Variants in WSCD1 observed in about 807,000 individuals in gnomAD.
The protein encoded by WSCD1 is sialate:O-sulfotransferase 1.
In WSCD1, 41 loss-of-function variants were observed where a neutral mutation model predicts 60.4. The observed-to-expected ratio is 0.68, with a 90% CI of 0.53 to 0.88. The LOEUF is 0.88. WSCD1 is among the 40% of genes least tolerant of loss of function. The pLI, the probability that WSCD1 is intolerant of heterozygous loss-of-function variation, is 0.00. For missense variants in WSCD1, 784 were observed against 796.2 expected, an observed-to-expected ratio of 0.98 and a Z score of 0.18; for synonymous variants, 361 against 332.5, an observed-to-expected ratio of 1.09 and a Z score of -0.93.
chr17:6,080,957 G>A lies in WSCD1; in HGVS notation c.299G>A (p.Arg100His), dbSNP rs1168918761. ...SPLTRPRPGP[R>H]WLRSRNSELR... ...CTGACCCGGCCCCGGCCCGGCCCCC[G>A]CTGGCTCCGGAGCCGCAACTCGGAG... The change falls in exon 2 of 9, where the codon CGC becomes CAC. Residue 100 changes from arginine to histidine, a missense_variant. Physicochemically the swap from Arg to His is conservative, Grantham distance 29. Transcript: ENST00000317744. This position sits in a 1 kb window ranked among gnomAD's most constrained non-coding sequence, Gnocchi z 6.6. 9.0e-6 allele frequency: 14 copies of A among 1,557,592 alleles called. No individual in the cohort carries two copies. The highest frequency in any genetic ancestry group is 1.7e-4 in the Middle Eastern group (1 of 5,970).
intron 1 of WSCD1, among the ~76,000 whole-genome samples, chr17:6,072,506 C>T (rs1456990485): frequency 1.3e-5 from 2 of 152,218 alleles, no homozygotes; most frequent in African/African-American, 2.4e-5. Flanking sequence ...CCAGCTCAGA[C>T]CCCCATCAGC....
chr17:6,092,895 A>G (rs1910150909), intron 4 of WSCD1, among the ~76,000 whole-genome samples: 2 of 152,118 alleles, frequency 1.3e-5, no homozygotes, highest in African/African-American at 4.8e-5. Flanking sequence ...CTCTTTGGGC[A>G]GGCTGTGGAG....
At chr17:6,095,020 C>A in intron 4 of WSCD1, 82 bp from the exon 5 acceptor site, 4 of 1,545,164 alleles carry the variant, frequency 2.6e-6, no homozygotes, top group Non-Finnish European at 3.5e-6. Flanking sequence ...TGTCTCAGGA[C>A]CTAAAGCCAG....
At chr17:6,108,948 C>A (rs1459728993) in intron 5 of WSCD1, among the ~76,000 whole-genome samples, 2 of 152,206 alleles carry the variant, frequency 1.3e-5, no homozygotes, top group Admixed American at 6.5e-5. Flanking sequence ...AAAGTCTGTT[C>A]TTCTCCACCC....
At chr17:6,112,711 G>GA (rs1009176120) in intron 7 of WSCD1, among the ~76,000 whole-genome samples, 1 of 151,850 alleles carries the variant, frequency 6.6e-6, no homozygotes, top group Non-Finnish European at 1.5e-5. Context: ...AAATAGCTAT[G>GA]AAAAAATACC....
chr17:6,103,750 G>A (rs1177865780), intron 5 of WSCD1, among the ~76,000 whole-genome samples: 1 of 152,154 alleles, frequency 6.6e-6, no homozygotes, highest in Non-Finnish European at 1.5e-5. Flanking sequence ...ATGCTGTGGG[G>A]GTGGGAGGAA....
chr17:6,118,337 C>G lies in WSCD1; in HGVS notation c.1375+149C>G. On this transcript the variant is annotated intron_variant, in intron 8 of 8. Coordinates refer to ENST00000317744, the MANE Select transcript of WSCD1 (RefSeq NM_015253.2). This position sits in a 1 kb window ranked among gnomAD's most constrained non-coding sequence, Gnocchi z 5.8. ...CACTCAAACCCCATCCTGCTAGGGA[C>G]TTAGTGCTGCTGTGCCTGGGCTTGA... is the stretch of plus-strand genomic sequence containing the variant. The G allele has an allele frequency of 1.2e-6, 1 of 851,062 alleles. No homozygotes were observed. The highest frequency in any genetic ancestry group is 1.8e-6 in the Non-Finnish European group (1 of 551,420). The allele number at this position is 851,062 out of a possible 1,614,324, so 52.7% of individuals were successfully genotyped here. A position where few individuals can be genotyped will look rare whatever the true frequency, so the allele number is the denominator to read the frequency against.
rs1047954081 is a variant in WSCD1 at position 6,101,997 on chromosome 17, C to T, written c.849+6774C>T. Reference sequence around the variant, plus strand: ...TATACCTTGTGATGTGAGGTTTGTTCTCCCAGCTGCTGTTAGTGATTCTAC... The same window carrying T: ...TATACCTTGTGATGTGAGGTTTGTTTTCCCAGCTGCTGTTAGTGATTCTAC... On this transcript the variant is annotated intron_variant, in intron 5 of 8. Transcript: ENST00000317744. This position sits in a 1 kb window ranked among gnomAD's most constrained non-coding sequence, Gnocchi z 4.1. 6.6e-6 allele frequency among the ~76,000 whole-genome samples: 1 copy of T among 152,212 alleles called. No individual in the cohort carries two copies. The highest frequency in any genetic ancestry group is 2.4e-5 in the African/African-American group (1 of 41,456).
intron 2 of WSCD1, among the ~76,000 whole-genome samples, chr17:6,086,651 GC>G (rs1597355093): frequency 1.3e-5 from 2 of 152,030 alleles, no homozygotes; most frequent in African/African-American, 2.4e-5. Flanking sequence ...ACAGCACCTG[GC>G]CCCCTTCTTT....
chr17:6,094,319 T>C (rs1300199202), intron 4 of WSCD1, among the ~76,000 whole-genome samples: 2 of 151,940 alleles, frequency 1.3e-5, no homozygotes, highest in Non-Finnish European at 2.9e-5. Context: ...GAGTGGGAGT[T>C]CAAGATCAGA....
upstream of WSCD1, chr17:6,070,306 G>A (rs1908444891): frequency 6.7e-6 from 1 of 148,910 alleles, no homozygotes; most frequent in African/African-American, 2.4e-5. Flanking sequence ...CCGGGCGGCG[G>A]GAGGTGCGCA....
intron 1 of WSCD1, chr17:6,071,241 C>G (rs1908524371): frequency 6.6e-6 from 1 of 152,276 alleles, no homozygotes; most frequent in Non-Finnish European, 1.5e-5. Context: ...CGGAGACTCA[C>G]GACTGAAGGT....
At chr17:6,100,568 T>C (rs4465648) in intron 5 of WSCD1, among the ~76,000 whole-genome samples, 121,899 of 152,232 alleles carry the variant, frequency 0.8, 49,038 homozygotes, top group East Asian at 0.92. Context: ...TGCAGATGCC[T>C]GGCAGGGGTT....
intron 2 of WSCD1, among the ~76,000 whole-genome samples, chr17:6,087,642 C>T (rs1168338261): frequency 6.6e-6 from 1 of 152,218 alleles, no homozygotes; most frequent in Non-Finnish European, 1.5e-5. Flanking sequence ...GAGGGCAGGG[C>T]TAGAGAGGAG....
rs758576288 is a variant in WSCD1 at position 6,118,146 on chromosome 17, G to T, written c.1333G>T (p.Gly445Trp). 2 of 1,614,144 alleles carry T rather than the reference G, an allele frequency of 1.2e-6. No homozygotes were observed. Among genetic ancestry groups the T allele is most frequent in the Non-Finnish European group, 1.7e-6 (2 of 1,180,024 alleles). ...GGCAGAATTCAACAGAAAATGTGCC[G>T]GGCACCTGGGATATGCAGCTGACCG... ...LVAEFNRKCA[G>W]HLGYAADRNW... Residue 445 changes from glycine to tryptophan, a missense_variant, in exon 8 of 9, where the codon GGG (glycine) becomes TGG (tryptophan). Physicochemically the swap from Gly to Trp is radical, Grantham distance 184. Transcript: ENST00000317744. The surrounding 1 kb of genome is among the most constrained non-coding windows in gnomAD (Gnocchi z 5.8).
At chr17:6,087,245 C>G (rs959757798) in intron 2 of WSCD1, among the ~76,000 whole-genome samples, 2 of 152,198 alleles carry the variant, frequency 1.3e-5, no homozygotes, top group African/African-American at 4.8e-5. Context: ...CTCGGGGTGG[C>G]AGGGCAGGGC....
chr17:6,123,770 A>G lies in WSCD1; in HGVS notation c.*3109A>G, dbSNP rs756416815. On this transcript the variant is annotated 3_prime_UTR_variant, in exon 9 of 9. Coordinates refer to ENST00000317744, the MANE Select transcript of WSCD1 (RefSeq NM_015253.2). ...CTGACTTCCTATTTATCACCACTCAATATTGGGTGAGTTGGTCTGAACAAG... is the reference window on the plus strand; with the variant it reads ...CTGACTTCCTATTTATCACCACTCAGTATTGGGTGAGTTGGTCTGAACAAG... 10 of 152,184 alleles carry G rather than the reference A, an allele frequency of 6.6e-5. No individual in the cohort carries two copies. The highest frequency in any genetic ancestry group is 1.2e-4 in the Non-Finnish European group (8 of 68,034). 9.4% of individuals were successfully genotyped at this position (152,184 alleles called of 1,614,324 possible). A position where few individuals can be genotyped will look rare whatever the true frequency, so the allele number is the denominator to read the frequency against.
At position 6,101,473 on chromosome 17, in the gene WSCD1, A is replaced by G. The variant is rs1033511926; in HGVS notation, c.849+6250A>G. Among the ~76,000 whole-genome samples the G allele has an allele frequency of 6.6e-6, 1 of 152,028 alleles. No individual in the cohort carries two copies. The highest frequency in any genetic ancestry group is 1.5e-5 in the Non-Finnish European group (1 of 68,010). ...GGAGGGGGTTCCTTGTAGTGCCCCC[A>G]CCTTTGAGCACCATCTGAGGCTTAT... On this transcript the variant is annotated intron_variant, in intron 5 of 8. Coordinates refer to ENST00000317744, the MANE Select transcript of WSCD1 (RefSeq NM_015253.2). The surrounding 1 kb of genome is among the most constrained non-coding windows in gnomAD (Gnocchi z 4.1).
At chr17:6,087,172 G>A (rs550521232) in intron 2 of WSCD1, among the ~76,000 whole-genome samples, 21 of 152,298 alleles carry the variant, frequency 1.4e-4, no homozygotes, top group African/African-American at 4.8e-4. Context: ...ATGCCTACCC[G>A]CGTTTGCATC....
Sources: allele counts gnomAD v4.1 joint callset (sites outside exome capture counted in the v4.1 genomes callset), GRCh38; gene constraint gnomAD v4.1.1; non-coding constraint Gnocchi (gnomAD v3.1); transcripts MANE v1.5; gene names NCBI Gene and HGNC (gene_info 2026-07-23, HGNC 2026-07-21).